The following PDE4B variants were observed in gnomAD, a reference collection of about 807,000 sequenced individuals.
PDE4B encodes 3',5'-cyclic-AMP phosphodiesterase 4B.
In PDE4B, 20 loss-of-function variants were observed where a neutral mutation model predicts 82.2. The observed-to-expected ratio is 0.24, with a 90% CI of 0.17 to 0.35. The LOEUF is 0.35. Among genes scored for constraint, PDE4B ranks in the 10% least tolerant of loss-of-function variants. The pLI is 1.00. For missense variants in PDE4B, 655 were observed against 907.2 expected (o/e 0.72, Z 3.57); for synonymous variants, 320 against 318.9 (o/e 1.00, Z -0.04).
intron 3 of PDE4B, among the ~76,000 whole-genome samples, chr1:66,212,949 A>G (rs1010354520): frequency 9.2e-5 from 14 of 152,324 alleles, no homozygotes; most frequent in African/African-American, 3.4e-4. Context: ...ACAGCACACC[A>G]TAATGTGGTA....
intron 3 of PDE4B, among the ~76,000 whole-genome samples, chr1:66,010,900 G>T (rs1652446884): frequency 6.6e-6 from 1 of 150,600 alleles, no homozygotes; most frequent in African/African-American, 2.4e-5. Flanking sequence ...ATGTCAAAAA[G>T]TCTCACAGGA....
At chr1:66,283,907 T>C (rs910168436) in intron 7 of PDE4B, among the ~76,000 whole-genome samples, 2 of 151,820 alleles carry the variant, frequency 1.3e-5, no homozygotes. Flanking sequence ...GAGAGAGAGA[T>C]TCATTCACCA....
chr1:65,896,906 A>G (rs1569598628), intron 1 of PDE4B, among the ~76,000 whole-genome samples: 1 of 152,104 alleles, frequency 6.6e-6, no homozygotes. Flanking sequence ...AAGCAGAGTT[A>G]TGTAAGGTAT....
At chr1:66,272,622 TTTTCTC>T (rs1178014926) in intron 7 of PDE4B, among the ~76,000 whole-genome samples, 1 of 56,920 alleles carries the variant, frequency 1.8e-5, no homozygotes, top group Non-Finnish European at 7.3e-5. Context: ...CCTTTAGTCT[TTTTCTC>T]TAATCTTTTT....
intron 3 of PDE4B, among the ~76,000 whole-genome samples, chr1:66,229,379 G>A (rs1465036701): frequency 6.6e-6 from 1 of 152,206 alleles, no homozygotes; most frequent in Admixed American, 6.5e-5. Flanking sequence ...CTCAGGCAGA[G>A]CAGGACATAA....
At chr1:65,943,357 A>G (rs571500497) in intron 3 of PDE4B, among the ~76,000 whole-genome samples, 2 of 151,866 alleles carry the variant, frequency 1.3e-5, no homozygotes, top group Non-Finnish European at 2.9e-5. Flanking sequence ...CTTTTGGTCT[A>G]TGTATCTGTT....
intron 3 of PDE4B, among the ~76,000 whole-genome samples, chr1:66,015,839 G>A (rs1652745004): frequency 6.6e-6 from 1 of 152,168 alleles, no homozygotes; most frequent in African/African-American, 2.4e-5. Context: ...GTTGGCAGGT[G>A]TGTAAAGCAT....
intron 3 of PDE4B, among the ~76,000 whole-genome samples, chr1:65,956,128 C>A (rs1395918284): frequency 6.6e-6 from 1 of 152,104 alleles, no homozygotes; most frequent in African/African-American, 2.4e-5. Context: ...CAAATTCTCT[C>A]TGATATTTAA....
intron 1 of PDE4B, among the ~76,000 whole-genome samples, chr1:65,833,322 A>G (rs746958847): frequency 6.6e-6 from 1 of 152,214 alleles, no homozygotes; most frequent in Non-Finnish European, 1.5e-5. Flanking sequence ...GCAAAGCTGC[A>G]CTGGTCTCTA....
Position 66,361,754 on chromosome 1 carries a change from C to T in PDE4B, c.981C>T (p.Arg327=), listed in dbSNP as rs1662790815. The T allele has an allele frequency of 6.2e-7, 1 of 1,612,966 alleles. No homozygotes were observed. The highest frequency in any genetic ancestry group is 1.3e-5 in the African/African-American group (1 of 74,982). Residue 327 remains arginine, a synonymous_variant, in exon 10 of 17, where the codon CGC becomes CGT. Transcript: ENST00000341517. ...SSSLNNTSIS[R]FGVNTENEDH... is the part of the protein sequence containing the mutation. The stretch of plus-strand genomic sequence containing the variant: ...GCCTAAACAATACAAGCATCTCACG[C>T]TTTGGAGTCAACACTGAAAATGAAG...
Position 65,831,693 on chromosome 1 carries a change from C to A in PDE4B, c.-71+38445C>A, listed in dbSNP as rs1646083638. Among the ~76,000 whole-genome samples, 3 of 132,032 alleles carry A rather than the reference C, an allele frequency of 2.3e-5. No individual in the cohort carries two copies. The South Asian group carries it at 7.3e-4, about 32-fold the overall frequency. 86.6% of individuals were successfully genotyped at this position (132,032 alleles called of 152,430 possible). The stretch of plus-strand genomic sequence containing the variant: ...TTATGAAGCCAGCATTTTATGAAGC[C>A]AGTCAAAGATGCTATAAGAAAAATA... On this transcript the variant is annotated intron_variant, in intron 1 of 16. Coordinates refer to ENST00000341517, the MANE Select transcript of PDE4B (RefSeq NM_002600.4).
intron 3 of PDE4B, among the ~76,000 whole-genome samples, chr1:66,089,910 T>C (rs1454499045): frequency 6.6e-6 from 1 of 152,082 alleles, no homozygotes; most frequent in Non-Finnish European, 1.5e-5. Flanking sequence ...TTATTTAAAA[T>C]GCTTCATTGG....
chr1:66,208,328 C>T (rs899593469), intron 3 of PDE4B, among the ~76,000 whole-genome samples: 5 of 152,194 alleles, frequency 3.3e-5, no homozygotes, highest in African/African-American at 1.2e-4. Context: ...GAGTGCGTAC[C>T]ATGTGGCAAA....
chr1:65,883,012 C>T (rs1251149848), intron 1 of PDE4B, among the ~76,000 whole-genome samples: 3 of 152,038 alleles, frequency 2.0e-5, no homozygotes, highest in South Asian at 2.1e-4. Context: ...TGACCTTGGG[C>T]GAACCATTTG....
intron 3 of PDE4B, among the ~76,000 whole-genome samples, chr1:66,024,735 C>T (rs1212033829): frequency 6.6e-6 from 1 of 151,846 alleles, no homozygotes; most frequent in Non-Finnish European, 1.5e-5. Flanking sequence ...ATCTTTTTCA[C>T]CATTAAATAA....
In PDE4B at chr1:66,329,839, C is replaced by T. The variant is rs575949662; in HGVS notation, c.635-2669C>T. Among the ~76,000 whole-genome samples, 7 of 152,274 alleles carry T rather than the reference C, an allele frequency of 4.6e-5. No individual in the cohort carries two copies. The South Asian group carries it at 1.5e-3, about 32-fold the overall frequency. On this transcript the variant is annotated intron_variant, in intron 7 of 16. Coordinates refer to ENST00000341517, the MANE Select transcript of PDE4B (RefSeq NM_002600.4). ...CATGATTCTCACTCCAAATCTGGTG[C>T]TTTTTTTCACAGTGCTACAGATGGA...
intron 1 of PDE4B, among the ~76,000 whole-genome samples, chr1:65,843,076 A>G (rs1646226604): frequency 6.6e-6 from 1 of 152,102 alleles, no homozygotes; most frequent in Non-Finnish European, 1.5e-5. Context: ...ATGAGACTGG[A>G]GATGTAGACC....
In PDE4B at chr1:66,214,784, G is replaced by A. The variant is rs146014115; in HGVS notation, c.282-32676G>A. Among the ~76,000 whole-genome samples, 942 of 152,152 alleles carry A rather than the reference G, an allele frequency of 6.2e-3. 11 individuals carry two copies. The highest frequency in any genetic ancestry group is 0.022 in the African/African-American group (899 of 41,492). ...ATTGTAGACATTACTTTAGATTTGG[G>A]ATAAATACCTAATGTTTATTATGAC... is the stretch of plus-strand genomic sequence containing the variant. On this transcript the variant is annotated intron_variant, in intron 3 of 16. Transcript: ENST00000341517.
At chr1:65,976,353 C>T (rs1457435173) in intron 3 of PDE4B, among the ~76,000 whole-genome samples, 1 of 152,150 alleles carries the variant, frequency 6.6e-6, no homozygotes, top group African/African-American at 2.4e-5. Context: ...AATTCCTGTA[C>T]CCTCATTTTA....
Sources: allele counts gnomAD v4.1 joint callset (sites outside exome capture counted in the v4.1 genomes callset), GRCh38; gene constraint gnomAD v4.1.1; transcripts MANE v1.5; gene names NCBI Gene and HGNC (gene_info 2026-07-23, HGNC 2026-07-21).